The following SLCO1A2 variants were observed in gnomAD, a reference collection of about 807,000 sequenced individuals.
SLCO1A2 encodes the protein solute carrier organic anion transporter family member 1A2, also known as OATP-1.
Under a neutral mutation model 69.0 loss-of-function variants are expected in SLCO1A2, and 67 were observed. The observed-to-expected ratio is 0.97, with a 90% CI of 0.80 to 1.19. The LOEUF is 1.19. SLCO1A2 is among the 50% of genes most tolerant of loss of function. SLCO1A2 has a pLI of 0.00. For synonymous variants in SLCO1A2, 260 were observed against 265.9 expected, an observed-to-expected ratio of 0.98 and a Z score of 0.22; for missense variants, 787 against 793.7, an observed-to-expected ratio of 0.99 and a Z score of 0.10.
intron 5 of SLCO1A2, 130 bp downstream of exon 5, chr12:21,306,752 G>T: frequency 3.7e-6 from 2 of 545,242 alleles, no homozygotes; most frequent in Non-Finnish European, 6.6e-6. Context: ...AACTCCTTTG[G>T]AAGTTCCTGG....
rs560423444 is a variant in SLCO1A2, at chr12:21,278,231, A to G, written c.1611-2807T>C. ...TGAGTGCCACCTCAGCCACACTAGC[A>G]TAGAGCATAAGGTAGATTTGTATGA... is the stretch of plus-strand genomic sequence containing the variant. On this transcript the variant is annotated intron_variant, in intron 12 of 14. Coordinates refer to ENST00000683939, the MANE Select transcript of SLCO1A2 (RefSeq NM_001386879.1). Among the ~76,000 whole-genome samples, 38 of 152,094 alleles carry G rather than the reference A, an allele frequency of 2.5e-4. No homozygotes were observed. The East Asian group carries it at 7.3e-3, about 29-fold the overall frequency.
intron 1 of SLCO1A2, among the ~76,000 whole-genome samples, chr12:21,375,704 G>A (rs756398738): frequency 1.2e-4 from 18 of 152,136 alleles, no homozygotes; most frequent in Non-Finnish European, 2.6e-4. Flanking sequence ...CTGAGAGCAG[G>A]GACTCACTTT....
intron 5 of SLCO1A2, 86 bp from the exon 6 acceptor site, chr12:21,304,659 A>G: frequency 2.4e-6 from 3 of 1,250,298 alleles, no homozygotes; most frequent in Non-Finnish European, 2.3e-6. Flanking sequence ...TAGGCATTTC[A>G]CAGTTATATG....
intron 14 of SLCO1A2, chr12:21,274,242 G>GT: frequency 2.4e-6 from 1 of 421,656 alleles, no homozygotes; most frequent in Non-Finnish European, 4.3e-6. Flanking sequence ...TGAAAGCCAA[G>GT]GTTAGGGAAG....
chr12:21,340,859 G>A (rs1358653640), intron 2 of SLCO1A2, among the ~76,000 whole-genome samples: 1 of 151,810 alleles, frequency 6.6e-6, no homozygotes, highest in Non-Finnish European at 1.5e-5. Flanking sequence ...GCAGCTAAAG[G>A]GCTAGCACCA....
At chr12:21,296,752 T>C (rs1448462043) in intron 9 of SLCO1A2, among the ~76,000 whole-genome samples, 1 of 152,166 alleles carries the variant, frequency 6.6e-6, no homozygotes, top group African/African-American at 2.4e-5. Flanking sequence ...TTGTTAAAAA[T>C]CCATTCCAGA....
chr12:21,277,749 G>A (rs1591778865), intron 12 of SLCO1A2, among the ~76,000 whole-genome samples: 1 of 152,146 alleles, frequency 6.6e-6, no homozygotes, highest in East Asian at 1.9e-4. Context: ...CACATGTGCA[G>A]TTCACAATAG....
At chr12:21,288,669 T>G (rs1946355535) in intron 12 of SLCO1A2, among the ~76,000 whole-genome samples, 1 of 152,102 alleles carries the variant, frequency 6.6e-6, no homozygotes, top group Admixed American at 6.6e-5. Context: ...AGAGTATAAA[T>G]GAATTGCTTG....
upstream of SLCO1A2, chr12:21,419,227 G>C (rs547135710): frequency 6.4e-6 from 1 of 156,710 alleles, no homozygotes; most frequent in Non-Finnish European, 1.4e-5. Flanking sequence ...CAAGATGGCC[G>C]AATAGGAACA....
In SLCO1A2 at chr12:21,292,351, CAT is replaced by C. The variant is rs1947004588; in HGVS notation, c.1438-17_1438-16del. The C allele has an allele frequency of 6.3e-7, 1 of 1,597,854 alleles. No individual in the cohort carries two copies. Among genetic ancestry groups the C allele is most frequent in the East Asian group, 2.2e-5 (1 of 44,712 alleles). On this transcript the variant is annotated splice_polypyrimidine_tract_variant and intron_variant, in intron 11 of 14. Transcript: ENST00000683939. ...TTTTGGAACACCTGCCAAAAAATAA[CAT>C]ATTATACTAAGAAGTAAAAATCTTG...
In SLCO1A2 at chr12:21,264,974, T is replaced by C. The variant is rs10841779; in HGVS notation, c.*4574A>G. The C allele has an allele frequency of 0.06, 9,192 of 152,212 alleles. 737 individuals are homozygous for C. Among genetic ancestry groups the C allele is most frequent in the East Asian group, 0.35 (1,772 of 5,126 alleles). The allele number at this position is 152,212 out of a possible 1,614,324, so 9.4% of individuals were successfully genotyped here. On this transcript the variant is annotated 3_prime_UTR_variant, in exon 15 of 15. Transcript: ENST00000683939. ...CTCTCTGAAACAGGCATGATGCAGA[T>C]TGGTTTAGGGGCATGAAGGTGGGTC...
chr12:21,316,408 G>A (rs781183264), intron 3 of SLCO1A2, among the ~76,000 whole-genome samples: 1 of 151,626 alleles, frequency 6.6e-6, no homozygotes, highest in East Asian at 1.9e-4. Context: ...CCCTATCGTC[G>A]CTCCTACCTT....
At chr12:21,410,151 C>A (rs369129033) in intron 1 of SLCO1A2, among the ~76,000 whole-genome samples, 1 of 152,140 alleles carries the variant, frequency 6.6e-6, no homozygotes, top group East Asian at 1.9e-4. Context: ...CCCCACTAAC[C>A]CACCACCTAT....
chr12:21,311,283 G>T (rs997713516), intron 4 of SLCO1A2, among the ~76,000 whole-genome samples: 3 of 152,108 alleles, frequency 2.0e-5, no homozygotes, highest in African/African-American at 7.2e-5. Flanking sequence ...TATCTAAGAG[G>T]ATTTGAGTCA....
In SLCO1A2 at chr12:21,298,456, C is replaced by A. The variant is rs1433064021; in HGVS notation, c.911-888G>T. ...CTTTTCCTGTCCACATGTTCTCTGTCTTGACTTTCTTATGCACAATCTTGG... is the reference window on the plus strand; with the variant it reads ...CTTTTCCTGTCCACATGTTCTCTGTATTGACTTTCTTATGCACAATCTTGG... On this transcript the variant is annotated intron_variant, in intron 8 of 14. Transcript: ENST00000683939. Among the ~76,000 whole-genome samples the A allele has an allele frequency of 4.6e-5, 7 of 152,264 alleles. No individual in the cohort carries two copies. In the South Asian group the frequency reaches 1.5e-3, roughly 32 times the overall value.
At position 21,276,421 on chromosome 12, in the gene SLCO1A2, C is replaced by CACACACACAG. The variant is rs1175271353; in HGVS notation, c.1611-998_1611-997insCTGTGTGTGT. On this transcript the variant is annotated intron_variant, in intron 12 of 14. Transcript: ENST00000683939. ...ACACACACACACACACACACACACA[C>CACACACACAG]ACAGACCTATCTGTCCAAAATAGTG... 2.1e-5 allele frequency among the ~76,000 whole-genome samples: 3 copies of CACACACACAG among 145,192 alleles called. No individual in the cohort carries two copies. The South Asian group carries it at 6.4e-4, about 31-fold the overall frequency.
chr12:21,373,292 A>G, intron 2 of SLCO1A2: 1 of 1,110,862 alleles, frequency 9.0e-7, no homozygotes, highest in Non-Finnish European at 1.4e-6. Context: ...ATCAATTAGA[A>G]CTGTAAGAAA....
At position 21,274,452 on chromosome 12, in the gene SLCO1A2, C is replaced by CA. The variant is rs1239234162; in HGVS notation, c.1793+16dup. The CA allele has an allele frequency of 6.5e-7, 1 of 1,530,072 alleles. No individual in the cohort carries two copies. The highest frequency in any genetic ancestry group is 1.7e-5 in the Admixed American group (1 of 59,814). 94.8% of individuals were successfully genotyped at this position (1,530,072 alleles called of 1,614,324 possible). ...TCTATGCTTATAAAACAATTTTAAA[C>CA]AAATTATTATCTTTACCTGAAGGTG... is the stretch of plus-strand genomic sequence containing the variant. On this transcript the variant is annotated intron_variant, in intron 14 of 14. Coordinates refer to ENST00000683939, the MANE Select transcript of SLCO1A2 (RefSeq NM_001386879.1).
At chr12:21,289,753 TAAAA>T (rs35667496) in intron 12 of SLCO1A2, among the ~76,000 whole-genome samples, 14,463 of 143,404 alleles carry the variant, frequency 0.1, 920 homozygotes, top group Non-Finnish European at 0.15. Flanking sequence ...AAGCCCAGGG[TAAAA>T]AAAAAAAAAA....
Sources: allele counts gnomAD v4.1 joint callset (sites outside exome capture counted in the v4.1 genomes callset), GRCh38; gene constraint gnomAD v4.1.1; transcripts MANE v1.5; gene names NCBI Gene and HGNC (gene_info 2026-07-23, HGNC 2026-07-21).